BLTP1: variants seen among roughly 807,000 people sequenced by gnomAD.
BLTP1 encodes fragile site-associated protein.
At chr4:122,207,853 A>G in the BLTP1 span, 2 of 978,652 alleles carry the variant, frequency 2.0e-6, no homozygotes, top group Non-Finnish European at 2.4e-6. Context: ...AAATATCTCA[A>G]GTTGATTATT....
chr4:122,292,010 C>T, the BLTP1 span: 38 of 149,606 alleles, frequency 2.5e-4, no homozygotes, highest in East Asian at 6.9e-3. Context: ...CGCACTTTGT[C>T]GCCAGGCTGG....
chr4:122,231,702 C>T, the BLTP1 span: 3 of 973,664 alleles, frequency 3.1e-6, no homozygotes, highest in Middle Eastern at 5.2e-4. Context: ...ATATAAAACT[C>T]GAATCCCTCT....
the BLTP1 span, among the ~76,000 whole-genome samples, chr4:122,259,190 G>A: frequency 1.3e-5 from 2 of 152,130 alleles, no homozygotes; most frequent in Non-Finnish European, 2.9e-5. Flanking sequence ...GTTTGGGTTA[G>A]ACTGTTTTAT....
chr4:122,208,480 A>G, the BLTP1 span: 2 of 966,618 alleles, frequency 2.1e-6, no homozygotes, highest in Non-Finnish European at 2.5e-6. Flanking sequence ...ATTAAAAGCC[A>G]GTTGAAGAAA....
At chr4:122,254,940 G>C in the BLTP1 span, 1 of 1,608,644 alleles carries the variant, frequency 6.2e-7, no homozygotes, top group Admixed American at 1.7e-5. Context: ...GATGCATAAT[G>C]ACAGAAGCAT....
At chr4:122,241,476 C>T in the BLTP1 span, among the ~76,000 whole-genome samples, 3 of 152,098 alleles carry the variant, frequency 2.0e-5, no homozygotes, top group African/African-American at 4.8e-5. Flanking sequence ...ATTGAATTGT[C>T]ATTAAGCAAG....
chr4:122,182,628 C>T, the BLTP1 span: 1 of 985,020 alleles, frequency 1.0e-6, no homozygotes, highest in Non-Finnish European at 1.2e-6. Context: ...ATCTACCATT[C>T]TGCTTCCTGA....
chr4:122,341,913 G>A, the BLTP1 span: 1 of 662,888 alleles, frequency 1.5e-6, no homozygotes, highest in Admixed American at 6.3e-5. Context: ...TCCCAGGAGA[G>A]AATACAAAAT....
chr4:122,228,347 T>TA, the BLTP1 span, among the ~76,000 whole-genome samples: 16 of 152,326 alleles, frequency 1.1e-4, no homozygotes, highest in South Asian at 8.3e-4. Context: ...CCAGTGAAGA[T>TA]ATAGAACATT....
chr4:122,324,631 A>G, the BLTP1 span: 1 of 955,082 alleles, frequency 1.0e-6, no homozygotes, highest in Non-Finnish European at 1.5e-6. Context: ...TAAAATTAAG[A>G]TAACAAAAAT....
At chr4:122,328,434 A>C in the BLTP1 span, 1 of 1,310,142 alleles carries the variant, frequency 7.6e-7, no homozygotes, top group Admixed American at 2.2e-5. Context: ...TATATAACTC[A>C]GCTTTTACAA....
chr4:122,201,217 A>G, the BLTP1 span: 5 of 947,650 alleles, frequency 5.3e-6, no homozygotes, highest in East Asian at 2.7e-5. Flanking sequence ...ACATAGGGAT[A>G]TGATATGATT....
At chr4:122,357,504 T>A in the BLTP1 span, among the ~76,000 whole-genome samples, 2 of 149,888 alleles carry the variant, frequency 1.3e-5, no homozygotes, top group African/African-American at 2.5e-5. Context: ...AGTTCAAGGC[T>A]ACAGTGAGCT....
chr4:122,239,370 T>A, the BLTP1 span: 2 of 752,426 alleles, frequency 2.7e-6, no homozygotes, highest in Non-Finnish European at 4.1e-6. Flanking sequence ...TTTGCTACTT[T>A]GGGTATTTTA....
chr4:122,300,566 T>G, the BLTP1 span, among the ~76,000 whole-genome samples: 2 of 152,172 alleles, frequency 1.3e-5, no homozygotes, highest in African/African-American at 2.4e-5. Context: ...TAAAAAATAT[T>G]TTTATCATAG....
the BLTP1 span, chr4:122,282,148 A>C: frequency 2.3e-6 from 2 of 876,202 alleles, no homozygotes; most frequent in Non-Finnish European, 2.7e-6. Context: ...TGATTTCTTC[A>C]AAACAGCTAA....
At chr4:122,345,905 CAA>C in the BLTP1 span, 1 of 368,356 alleles carries the variant, frequency 2.7e-6, no homozygotes, top group Non-Finnish European at 3.8e-6. Flanking sequence ...ACAGAGGAGA[CAA>C]GAATGCCTCA....
chr4:122,208,824 T>C, the BLTP1 span: 1 of 314,720 alleles, frequency 3.2e-6, no homozygotes, highest in Non-Finnish European at 4.6e-6. Context: ...AGATGGTTGC[T>C]TGAGGTCAGG....
chr4:122,324,239 C>T, the BLTP1 span: 10 of 203,722 alleles, frequency 4.9e-5, no homozygotes, highest in Non-Finnish European at 7.8e-5. Flanking sequence ...GTTTTCATTG[C>T]GCCTCCTAAT....
Sources: allele counts gnomAD v4.1 joint callset (sites outside exome capture counted in the v4.1 genomes callset), GRCh38; gene constraint gnomAD v4.1.1; transcripts MANE v1.5; gene names NCBI Gene and HGNC (gene_info 2026-07-23, HGNC 2026-07-21).